The following DIP2C variants were observed in gnomAD, a reference collection of about 807,000 sequenced individuals.
DIP2C encodes disco-interacting protein 2 homolog C.
A neutral mutation model predicts 192.4 loss-of-function variants in DIP2C; 33 were observed. That is an observed-to-expected ratio of 0.17 (90% CI 0.13 to 0.23). DIP2C has a LOEUF of 0.23. DIP2C is among the 10% of genes least tolerant of loss of function. The pLI is 1.00. For synonymous variants in DIP2C, 979 were observed against 864.1 expected, an observed-to-expected ratio of 1.13 and a Z score of -2.33; for missense variants, 1,537 against 2,110.1, an observed-to-expected ratio of 0.73 and a Z score of 5.32.
Position 547,447 on chromosome 10 carries a change from A to T in DIP2C, c.86-60917T>A, listed in dbSNP as rs142959311. 2.2e-3 allele frequency among the ~76,000 whole-genome samples: 328 copies of T among 152,198 alleles called. 1 individual carries two copies. Among genetic ancestry groups the T allele is most frequent in the African/African-American group, 7.5e-3 (312 of 41,514 alleles). On this transcript the variant is annotated intron_variant, in intron 1 of 36. Coordinates refer to ENST00000280886, the MANE Select transcript of DIP2C (RefSeq NM_014974.3). Reference sequence around the variant, plus strand: ...TCAGGGCTCACATCACTGAGAAGGAAGGAAGGTTGACAGCGAAGTACCCAG... The same window carrying T: ...TCAGGGCTCACATCACTGAGAAGGATGGAAGGTTGACAGCGAAGTACCCAG...
chr10:684,037 A>T (rs1319425129), intron 1 of DIP2C, among the ~76,000 whole-genome samples: 1 of 152,268 alleles, frequency 6.6e-6, no homozygotes, highest in Non-Finnish European at 1.5e-5. Context: ...CGGCACCTGG[A>T]GCAGCCTATG....
intron 1 of DIP2C, among the ~76,000 whole-genome samples, chr10:593,669 C>T (rs1489190804): frequency 6.6e-6 from 1 of 152,106 alleles, no homozygotes; most frequent in African/African-American, 2.4e-5. Flanking sequence ...GGGCGGGGTC[C>T]CCAGATGCTC....
At chr10:453,266 A>G (rs1164293034) in intron 3 of DIP2C, among the ~76,000 whole-genome samples, 1 of 152,206 alleles carries the variant, frequency 6.6e-6, no homozygotes, top group African/African-American at 2.4e-5. Context: ...ACCCGGCCAC[A>G]TGAATGAGAC....
intron 1 of DIP2C, among the ~76,000 whole-genome samples, chr10:570,277 A>AT (rs1037702852): frequency 6.6e-6 from 1 of 152,128 alleles, no homozygotes. Context: ...CACAAGGTGG[A>AT]TTTTGTCGTG....
intron 1 of DIP2C, among the ~76,000 whole-genome samples, chr10:553,893 T>C (rs1471199983): frequency 2.0e-5 from 3 of 147,566 alleles, no homozygotes; most frequent in East Asian, 2.0e-4. Context: ...ATATACCTCA[T>C]AGAAAAAAGG....
intron 32 of DIP2C, among the ~76,000 whole-genome samples, chr10:293,046 C>T (rs1267977012): frequency 1.3e-5 from 2 of 152,264 alleles, no homozygotes; most frequent in Admixed American, 6.5e-5. Flanking sequence ...GCACTGCCCC[C>T]GCCAGAAAGA....
intron 1 of DIP2C, among the ~76,000 whole-genome samples, chr10:644,568 T>C (rs1399350217): frequency 6.6e-6 from 1 of 152,258 alleles, no homozygotes; most frequent in Non-Finnish European, 1.5e-5. Flanking sequence ...TCAGGGAGTC[T>C]GGGCAGGTGC....
chr10:567,509 T>C (rs1688678779), intron 1 of DIP2C, among the ~76,000 whole-genome samples: 1 of 152,058 alleles, frequency 6.6e-6, no homozygotes, highest in Non-Finnish European at 1.5e-5. Context: ...AACTGAAAGT[T>C]AGCAGATAAT....
chr10:278,678 C>G (rs576868254), intron 36 of DIP2C, among the ~76,000 whole-genome samples: 1 of 152,242 alleles, frequency 6.6e-6, no homozygotes, highest in Non-Finnish European at 1.5e-5. Flanking sequence ...GGAAGATTCA[C>G]TCAGAAATGT....
intron 18 of DIP2C, among the ~76,000 whole-genome samples, chr10:367,366 G>A (rs546593644): frequency 3.3e-5 from 5 of 151,466 alleles, no homozygotes; most frequent in South Asian, 2.1e-4. Context: ...GCGGTGAACC[G>A]AGATCGCGCC....
At chr10:662,739 G>T (rs569546967) in intron 1 of DIP2C, 1 of 604,864 alleles carries the variant, frequency 1.7e-6, no homozygotes. Flanking sequence ...AATTTTTAAA[G>T]GTTTCAAATC....
chr10:577,374 T>G (rs966385598), intron 1 of DIP2C, among the ~76,000 whole-genome samples: 5 of 152,236 alleles, frequency 3.3e-5, no homozygotes, highest in African/African-American at 1.2e-4. Flanking sequence ...CATGAGAAAT[T>G]AGTCACGTTT....
chr10:440,271 C>T lies in DIP2C; in HGVS notation c.394+600G>A, dbSNP rs867034184. The stretch of plus-strand genomic sequence containing the variant: ...GCACATCTGTGCACCAAATCTGGTC[C>T]GCTGTTCTTATAAAGTTTTATTGGT... On this transcript the variant is annotated intron_variant, in intron 4 of 36. Transcript: ENST00000280886. Among the ~76,000 whole-genome samples, 3 of 152,276 alleles carry T rather than the reference C, an allele frequency of 2.0e-5. No homozygotes were observed. In the South Asian group the frequency reaches 6.2e-4, roughly 32 times the overall value.
chr10:348,819 C>CT lies in DIP2C; in HGVS notation c.3110-58dup, dbSNP rs1446203702. On this transcript the variant is annotated intron_variant, in intron 25 of 36. Coordinates refer to ENST00000280886, the MANE Select transcript of DIP2C (RefSeq NM_014974.3). ...CAGACCACGCTGCTGAGTGCACACT[C>CT]TCCCTGTCAGCATCAATGCTTGTCT... 5.7e-6 allele frequency: 9 copies of CT among 1,592,096 alleles called. No individual in the cohort carries two copies. In the Admixed American group the frequency reaches 1.1e-4, roughly 20 times the overall value.
At chr10:295,431 G>A (rs1955702281) in intron 32 of DIP2C, among the ~76,000 whole-genome samples, 1 of 151,310 alleles carries the variant, frequency 6.6e-6, no homozygotes, top group Admixed American at 6.6e-5. Context: ...TGCGGTGGCG[G>A]GCGCCTGTAA....
At chr10:465,625 T>A (rs938763708) in intron 3 of DIP2C, among the ~76,000 whole-genome samples, 3 of 152,000 alleles carry the variant, frequency 2.0e-5, no homozygotes, top group Non-Finnish European at 4.4e-5. Context: ...ACATGATTGT[T>A]TATCTAGAAA....
chr10:288,346 T>C lies in DIP2C; in HGVS notation c.4044+18A>G. On this transcript the variant is annotated intron_variant, in intron 33 of 36. Transcript: ENST00000280886. ...GCGAACGGATACAGAAATGCGTGCC[T>C]CTTCCTATAATACTTACCTTTCCCG... is the stretch of plus-strand genomic sequence containing the variant. The C allele has an allele frequency of 6.2e-7, 1 of 1,611,424 alleles. No homozygotes were observed. The highest frequency in any genetic ancestry group is 1.1e-5 in the South Asian group (1 of 90,576).
At chr10:323,622 AT>A (rs1338108442) in intron 31 of DIP2C, among the ~76,000 whole-genome samples, 2 of 152,270 alleles carry the variant, frequency 1.3e-5, no homozygotes, top group Non-Finnish European at 2.9e-5. Flanking sequence ...TGTGTTTTTG[AT>A]TTTTTACATC....
chr10:440,905 G>A lies in DIP2C; in HGVS notation c.360C>T (p.Val120=), dbSNP rs376723542. Residue 120 remains valine (V), a synonymous_variant, in exon 4 of 37, where the codon GTC becomes GTT. Transcript: ENST00000280886. ...TGTAGGCGTCCATCGAGGTCTGCAC[G>A]ACCAGGGACCTGCGTTTGGAAGGCA... ...VPMPSKRRSL[V]VQTSMDAYTP... The A allele has an allele frequency of 5.6e-6, 9 of 1,613,550 alleles. No individual in the cohort carries two copies. The highest frequency in any genetic ancestry group is 5.5e-5 in the South Asian group (5 of 91,070).
Sources: gnomAD v4.1 joint callset for allele counts (sites outside exome capture counted in the v4.1 genomes callset) on GRCh38, gnomAD v4.1.1 for gene constraint, MANE v1.5 for transcripts, NCBI Gene and HGNC (gene_info 2026-07-23, HGNC 2026-07-21) for gene names.